MARCHF1: variants seen among roughly 807,000 people sequenced by gnomAD.
MARCHF1 encodes the protein E3 ubiquitin-protein ligase MARCHF1.
In MARCHF1, 40 loss-of-function variants were observed where a neutral mutation model predicts 54.2. That is an observed-to-expected ratio of 0.74 (90% confidence interval 0.57 to 0.96). The LOEUF is 0.96. Ranked by LOEUF, MARCHF1 falls within the 40% of genes least tolerant of loss-of-function variation. The pLI is 0.00. For synonymous variants in MARCHF1, 236 were observed against 236.3 expected, an observed-to-expected ratio of 1.00 and a Z score of 0.01; for missense variants, 586 against 656.5, an observed-to-expected ratio of 0.89 and a Z score of 1.17.
chr4:164,075,363 T>C (rs1754954619), intron 2 of MARCHF1, among the ~76,000 whole-genome samples: 1 of 152,212 alleles, frequency 6.6e-6, no homozygotes, highest in African/African-American at 2.4e-5. Flanking sequence ...AGCAAACATG[T>C]TGTAAACAAT....
rs543337190 is a variant in MARCHF1, at chr4:164,121,437, C to T, written c.-322-9775G>A. On this transcript the variant is annotated intron_variant, in intron 1 of 9. Coordinates refer to ENST00000514618, the MANE Select transcript of MARCHF1 (RefSeq NM_001394959.1). ...ATCATGGTGGAAGGGGAAGAAAACACGTCCTTCTTCACAAGGCAGCAAGAG... is the reference window on the plus strand; with the variant it reads ...ATCATGGTGGAAGGGGAAGAAAACATGTCCTTCTTCACAAGGCAGCAAGAG... 2.5e-3 allele frequency among the ~76,000 whole-genome samples: 383 copies of T among 152,120 alleles called. 2 individuals carry two copies. Among genetic ancestry groups the T allele is most frequent in the African/African-American group, 8.6e-3 (359 of 41,512 alleles).
intron 1 of MARCHF1, among the ~76,000 whole-genome samples, chr4:164,229,979 C>A (rs1351301825): frequency 1.3e-5 from 2 of 152,172 alleles, no homozygotes; most frequent in African/African-American, 4.8e-5. Flanking sequence ...GACACAGATC[C>A]AAACCGTACC....
At chr4:164,009,327 G>T (rs1295492759) in intron 2 of MARCHF1, among the ~76,000 whole-genome samples, 1 of 151,982 alleles carries the variant, frequency 6.6e-6, no homozygotes, top group African/African-American at 2.4e-5. Context: ...TTAAATAAAA[G>T]TCCAGGACCT....
intron 1 of MARCHF1, among the ~76,000 whole-genome samples, chr4:164,225,087 T>C (rs1732213671): frequency 6.6e-6 from 1 of 152,062 alleles, no homozygotes; most frequent in Non-Finnish European, 1.5e-5. Context: ...GGCTCTATGG[T>C]GTAAGTCTCC....
At chr4:163,934,062 A>C (rs1478565915) in intron 3 of MARCHF1, among the ~76,000 whole-genome samples, 2 of 152,212 alleles carry the variant, frequency 1.3e-5, no homozygotes, top group Non-Finnish European at 2.9e-5. Context: ...AAAAGTACAC[A>C]AGTCCAAGTC....
At chr4:164,373,352 C>CT (rs5863683) in intron 1 of MARCHF1, among the ~76,000 whole-genome samples, 43,776 of 91,678 alleles carry the variant, frequency 0.48, 11,658 homozygotes, top group Admixed American at 0.52. Flanking sequence ...TGAAAAACTA[C>CT]TTTTTTTTTT....
chr4:163,784,549 C>A (rs1579284726), intron 4 of MARCHF1, among the ~76,000 whole-genome samples: 1 of 152,090 alleles, frequency 6.6e-6, no homozygotes, highest in African/African-American at 2.4e-5. Flanking sequence ...AGCACCAGGA[C>A]AATTTATCCA....
chr4:163,811,463 A>G (rs1339613521), intron 4 of MARCHF1, among the ~76,000 whole-genome samples: 2 of 152,034 alleles, frequency 1.3e-5, no homozygotes, highest in African/African-American at 4.8e-5. Context: ...TGAACCCAGG[A>G]GTCCAAGGCC....
chr4:164,374,370 A>G (rs985250333), intron 1 of MARCHF1, among the ~76,000 whole-genome samples: 8 of 152,160 alleles, frequency 5.3e-5, no homozygotes, highest in African/African-American at 9.6e-5. Flanking sequence ...AAAAAGTGGG[A>G]CAAAAAGCTA....
intron 3 of MARCHF1, among the ~76,000 whole-genome samples, chr4:163,920,487 G>A (rs534219352): frequency 1.6e-4 from 24 of 152,264 alleles, no homozygotes; most frequent in Non-Finnish European, 2.9e-4. Context: ...TTACTTTGCT[G>A]TACTTACTCC....
At chr4:163,997,810 G>C (rs1196379477) in intron 2 of MARCHF1, among the ~76,000 whole-genome samples, 2 of 151,744 alleles carry the variant, frequency 1.3e-5, no homozygotes, top group Non-Finnish European at 2.9e-5. Flanking sequence ...TATCAAAGAA[G>C]AAGACTTAAA....
chr4:163,705,286 A>T (rs1744917213), intron 4 of MARCHF1, among the ~76,000 whole-genome samples: 1 of 151,750 alleles, frequency 6.6e-6, no homozygotes, highest in Admixed American at 6.6e-5. Flanking sequence ...AACATGGCGT[A>T]AATGAAACTT....
intron 3 of MARCHF1, among the ~76,000 whole-genome samples, chr4:163,873,797 C>T (rs1404176244): frequency 2.0e-5 from 3 of 152,186 alleles, no homozygotes; most frequent in African/African-American, 7.2e-5. Context: ...TTTGTCCAAG[C>T]CAACTGGTCC....
chr4:163,815,409 T>A (rs1221628721), intron 4 of MARCHF1, among the ~76,000 whole-genome samples: 1 of 152,246 alleles, frequency 6.6e-6, no homozygotes, highest in African/African-American at 2.4e-5. Flanking sequence ...GCATCTATTA[T>A]GAGTAATGCA....
intron 2 of MARCHF1, among the ~76,000 whole-genome samples, chr4:164,088,427 A>G (rs1755233836): frequency 1.3e-5 from 2 of 152,184 alleles, no homozygotes; most frequent in Non-Finnish European, 2.9e-5. Context: ...AGGCTCAGAA[A>G]GCATCTGTTT....
At chr4:163,765,894 A>T (rs1232132723) in intron 4 of MARCHF1, among the ~76,000 whole-genome samples, 1 of 147,948 alleles carries the variant, frequency 6.8e-6, no homozygotes, top group East Asian at 1.9e-4. Context: ...CATATATAAT[A>T]CATATAATTA....
intron 5 of MARCHF1, among the ~76,000 whole-genome samples, chr4:163,635,162 A>G (rs1742266866): frequency 1.4e-5 from 1 of 70,252 alleles, no homozygotes; most frequent in Non-Finnish European, 2.4e-5. Context: ...TCCAAAATTG[A>G]CACCCTAACA....
chr4:164,040,241 TTATA>T (rs910111071), intron 2 of MARCHF1, among the ~76,000 whole-genome samples: 1 of 144,466 alleles, frequency 6.9e-6, no homozygotes, highest in Non-Finnish European at 1.5e-5. Flanking sequence ...ATGTATATAC[TTATA>T]TATACGTATA....
intron 1 of MARCHF1, among the ~76,000 whole-genome samples, chr4:164,136,272 GAAAAAA>G (rs5863663): frequency 1.6e-5 from 2 of 121,520 alleles, no homozygotes; most frequent in Admixed American, 8.7e-5. Flanking sequence ...AGTTGAAGTG[GAAAAAA>G]AAAAAAAAAA....
Sources: gnomAD v4.1 joint callset for allele counts (sites outside exome capture counted in the v4.1 genomes callset) on GRCh38, gnomAD v4.1.1 for gene constraint, MANE v1.5 for transcripts, NCBI Gene and HGNC (gene_info 2026-07-23, HGNC 2026-07-21) for gene names.